NAALADL2: variants seen among roughly 807,000 people sequenced by gnomAD.
The protein encoded by NAALADL2 is N-acetylated alpha-linked acidic dipeptidase like 2.
NAALADL2 carries 76 observed loss-of-function variants against 87.2 expected under a neutral mutation model. The ratio of observed to expected loss-of-function variants is 0.87; its 90% CI spans 0.72 to 1.05. The LOEUF is 1.05. Ranked by LOEUF, NAALADL2 falls within the 50% of genes least tolerant of loss-of-function variation. NAALADL2 has a pLI of 0.00. For missense variants in NAALADL2, 1,089 were observed against 945.8 expected, an observed-to-expected ratio of 1.15 and a Z score of -1.99; for synonymous variants, 354 against 331.0, an observed-to-expected ratio of 1.07 and a Z score of -0.75.
At chr3:175,780,139 G>A (rs890070588) in intron 13 of NAALADL2, among the ~76,000 whole-genome samples, 23 of 151,642 alleles carry the variant, frequency 1.5e-4, no homozygotes, top group Non-Finnish European at 3.1e-4. Context: ...AGCCGGGCGT[G>A]GTGGTGGGCA....
intron 11 of NAALADL2, among the ~76,000 whole-genome samples, chr3:175,721,146 G>A (rs908296947): frequency 6.6e-6 from 1 of 152,082 alleles, no homozygotes. Flanking sequence ...TGAGGTGGGT[G>A]CAGATATTGA....
intron 3 of NAALADL2, among the ~76,000 whole-genome samples, chr3:174,739,095 T>C (rs554704834): frequency 9.8e-5 from 15 of 152,328 alleles, no homozygotes; most frequent in Admixed American, 5.2e-4. Flanking sequence ...GTAGCTTAAA[T>C]AGGTATATTT....
chr3:175,347,465 C>A (rs1306032442), intron 5 of NAALADL2, among the ~76,000 whole-genome samples: 1 of 152,084 alleles, frequency 6.6e-6, no homozygotes, highest in Non-Finnish European at 1.5e-5. Flanking sequence ...ATTGAATCAG[C>A]TACTTTTAGA....
intron 1 of NAALADL2, among the ~76,000 whole-genome samples, chr3:174,537,763 T>A (rs1161114247): frequency 6.6e-6 from 1 of 152,152 alleles, no homozygotes; most frequent in Admixed American, 6.6e-5. Context: ...ATAAGCCATA[T>A]TTAAGAATTC....
intron 1 of NAALADL2, among the ~76,000 whole-genome samples, chr3:174,491,367 A>G (rs984774137): frequency 3.3e-5 from 5 of 152,326 alleles, no homozygotes; most frequent in South Asian, 4.1e-4. Context: ...AGTGTTGAGT[A>G]GTCAAAGCTT....
At chr3:175,383,782 A>G (rs866664690) in intron 5 of NAALADL2, among the ~76,000 whole-genome samples, 4 of 152,226 alleles carry the variant, frequency 2.6e-5, no homozygotes, top group African/African-American at 9.6e-5. Context: ...GAGAATTATC[A>G]AACCCTTACT....
chr3:175,431,035 T>C (rs1206504090), intron 5 of NAALADL2, among the ~76,000 whole-genome samples: 1 of 152,108 alleles, frequency 6.6e-6, no homozygotes, highest in African/African-American at 2.4e-5. Context: ...CTTCAGAAAA[T>C]AGTTGATGTC....
intron 11 of NAALADL2, among the ~76,000 whole-genome samples, chr3:175,678,031 G>A (rs1290651076): frequency 6.6e-6 from 1 of 152,176 alleles, no homozygotes. Flanking sequence ...CAAAGGGTTA[G>A]GCAGAGCCTT....
intron 3 of NAALADL2, among the ~76,000 whole-genome samples, chr3:174,787,576 CATATATAT>C (rs71300440): frequency 0.033 from 484 of 14,716 alleles, 15 homozygotes; most frequent in Middle Eastern, 0.056. Context: ...AATATATCAT[CATATATAT>C]ATATATATAT....
At chr3:175,179,063 C>G (rs1736087192) in intron 2 of NAALADL2, among the ~76,000 whole-genome samples, 1 of 151,998 alleles carries the variant, frequency 6.6e-6, no homozygotes, top group South Asian at 2.1e-4. Flanking sequence ...CAAGCTCACT[C>G]TCTAGGAATT....
intron 3 of NAALADL2, among the ~76,000 whole-genome samples, chr3:174,765,139 C>CG (rs760807858): frequency 0.084 from 10,420 of 124,068 alleles, 363 homozygotes; most frequent in Middle Eastern, 0.15. Flanking sequence ...CACACACACA[C>CG]ACACGAGAGA....
chr3:174,521,302 G>C (rs1377509837), intron 1 of NAALADL2, among the ~76,000 whole-genome samples: 1 of 152,006 alleles, frequency 6.6e-6, no homozygotes, highest in African/African-American at 2.4e-5. Context: ...ATACAATTTG[G>C]TCATAAAAAA....
intron 3 of NAALADL2, among the ~76,000 whole-genome samples, chr3:174,799,255 C>G (rs542577022): frequency 2.1e-3 from 320 of 152,066 alleles, no homozygotes; most frequent in African/African-American, 7.4e-3. Flanking sequence ...GCTAGAACCT[C>G]TAGTACAATG....
chr3:174,528,296 G>A (rs926231849), intron 1 of NAALADL2, among the ~76,000 whole-genome samples: 1 of 152,082 alleles, frequency 6.6e-6, no homozygotes, highest in Non-Finnish European at 1.5e-5. Context: ...AGTGTGCATA[G>A]CATTATAGGA....
At chr3:175,494,730 C>A (rs1016959023) in intron 9 of NAALADL2, among the ~76,000 whole-genome samples, 1 of 152,080 alleles carries the variant, frequency 6.6e-6, no homozygotes, top group South Asian at 2.1e-4. Flanking sequence ...ATGGACCTAT[C>A]GTCTGCTGTC....
At chr3:175,255,851 G>C (rs917842446) in intron 3 of NAALADL2, among the ~76,000 whole-genome samples, 14 of 152,166 alleles carry the variant, frequency 9.2e-5, no homozygotes, top group Non-Finnish European at 1.9e-4. Context: ...TGGGTTGCTA[G>C]ACTGCCACAT....
At chr3:174,808,617 C>G (rs1162102396) in intron 3 of NAALADL2, among the ~76,000 whole-genome samples, 1 of 152,074 alleles carries the variant, frequency 6.6e-6, no homozygotes, top group Non-Finnish European at 1.5e-5. Flanking sequence ...TTTCCAGGAA[C>G]CTGGCCACTA....
At chr3:175,613,627 T>A (rs145952510) in intron 10 of NAALADL2, among the ~76,000 whole-genome samples, 11 of 152,294 alleles carry the variant, frequency 7.2e-5, no homozygotes, top group Non-Finnish European at 1.6e-4. Flanking sequence ...CATTTGGCTA[T>A]TGTCTATAGT....
At chr3:175,776,731 T>C (rs1750296168) in intron 13 of NAALADL2, among the ~76,000 whole-genome samples, 1 of 152,122 alleles carries the variant, frequency 6.6e-6, no homozygotes, top group East Asian at 1.9e-4. Flanking sequence ...ATGATTTTTT[T>C]CCCTCTATCA....
Sources: gnomAD v4.1 joint callset for allele counts (sites outside exome capture counted in the v4.1 genomes callset) on GRCh38, gnomAD v4.1.1 for gene constraint, MANE v1.5 for transcripts, NCBI Gene and HGNC (gene_info 2026-07-23, HGNC 2026-07-21) for gene names.